The following PKIG variants were observed in gnomAD, a reference collection of about 807,000 sequenced individuals.
PKIG encodes the protein cAMP-dependent protein kinase inhibitor gamma, also known as protein kinase (cAMP-dependent, catalytic) inhibitor gamma.
A neutral mutation model predicts 6.8 loss-of-function variants in PKIG; 1 was observed. The ratio of observed to expected loss-of-function variants is 0.15; its 90% CI spans 0.05 to 0.69. The LOEUF (loss-of-function observed/expected upper bound fraction) is 0.69. Ranked by LOEUF, PKIG falls within the 30% of genes least tolerant of loss-of-function variation. The pLI is 0.82. For missense variants in PKIG, 77 were observed against 104.0 expected (o/e 0.74, Z 1.13); for synonymous variants, 39 against 43.0 (o/e 0.91, Z 0.36).
At chr20:44,533,041 G>A (rs139310627) in intron 1 of PKIG, among the ~76,000 whole-genome samples, 184 of 152,320 alleles carry the variant, frequency 1.2e-3, no homozygotes, top group Middle Eastern at 6.8e-3. Flanking sequence ...AGGGTTTTAA[G>A]CCGGAGGTGT....
At chr20:44,593,633 A>G (rs1437001021) in intron 2 of PKIG, among the ~76,000 whole-genome samples, 3 of 152,166 alleles carry the variant, frequency 2.0e-5, no homozygotes, top group Non-Finnish European at 4.4e-5. Flanking sequence ...ATGTTGAGCA[A>G]AGGTTACAAA....
chr20:44,580,712 C>A (rs1600869640), upstream of PKIG, among the ~76,000 whole-genome samples: 1 of 152,218 alleles, frequency 6.6e-6, no homozygotes, highest in East Asian at 1.9e-4. Context: ...GAAAAGCCTT[C>A]AGATTGACAA....
At chr20:44,578,648 G>A (rs1032349600), upstream of PKIG, among the ~76,000 whole-genome samples, 1 of 152,172 alleles carries the variant, frequency 6.6e-6, no homozygotes, top group African/African-American at 2.4e-5. Context: ...AGAAGCAGAT[G>A]CTAGTGCCAT....
chr20:44,567,297 C>T (rs1352192858), intron 1 of PKIG, among the ~76,000 whole-genome samples: 1 of 152,198 alleles, frequency 6.6e-6, no homozygotes, highest in Non-Finnish European at 1.5e-5. Flanking sequence ...AGATATCCTG[C>T]AAGGTCAGCC....
At chr20:44,581,321 A>G (rs1009579433), upstream of PKIG, among the ~76,000 whole-genome samples, 2 of 152,236 alleles carry the variant, frequency 1.3e-5, no homozygotes, top group Admixed American at 1.3e-4. Context: ...CTTAGTATGT[A>G]CCAAATACTT....
intron 1 of PKIG, among the ~76,000 whole-genome samples, chr20:44,550,213 A>T (rs1316928930): frequency 1.3e-5 from 2 of 151,034 alleles, no homozygotes; most frequent in African/African-American, 2.4e-5. Context: ...ATAAAAGGGG[A>T]CTTCAAAAAA....
upstream of PKIG, chr20:44,582,503 C>T (rs1166033405): frequency 2.0e-5 from 3 of 152,342 alleles, no homozygotes. Flanking sequence ...TCAGGCTGAG[C>T]ATTGGATTAC....
chr20:44,575,082 C>T (rs1450392281), intron 1 of PKIG, among the ~76,000 whole-genome samples: 5 of 151,576 alleles, frequency 3.3e-5, no homozygotes, highest in Non-Finnish European at 7.4e-5. Flanking sequence ...GAGACAGTCT[C>T]GCTCTATTGC....
intron 1 of PKIG, among the ~76,000 whole-genome samples, chr20:44,572,032 C>T (rs896020793): frequency 6.6e-6 from 1 of 152,238 alleles, no homozygotes; most frequent in African/African-American, 2.4e-5. Flanking sequence ...GAGACGGAGT[C>T]TCGCTCTGTT....
At chr20:44,610,529 C>CACACA (rs1206246062) in intron 2 of PKIG, among the ~76,000 whole-genome samples, 1 of 150,968 alleles carries the variant, frequency 6.6e-6, no homozygotes, top group South Asian at 2.1e-4. Context: ...CACACACACA[C>CACACA]CTGCAGCACT....
intron 2 of PKIG, among the ~76,000 whole-genome samples, chr20:44,605,177 G>A (rs1267966200): frequency 1.3e-5 from 2 of 151,484 alleles, no homozygotes; most frequent in African/African-American, 4.9e-5. Flanking sequence ...AGGCCGAGAC[G>A]GGCGGATCAC....
At chr20:44,559,313 T>C in intron 1 of PKIG, among the ~76,000 whole-genome samples, 1 of 152,354 alleles carries the variant, frequency 6.6e-6, no homozygotes, top group Non-Finnish European at 1.5e-5. Context: ...AATGAGATCA[T>C]ATTATACAAA....
chr20:44,537,347 C>T (rs980596605), intron 1 of PKIG, among the ~76,000 whole-genome samples: 6 of 152,172 alleles, frequency 3.9e-5, no homozygotes, highest in Non-Finnish European at 8.8e-5. Flanking sequence ...AGGTGATCCA[C>T]TCGCCTTGGC....
chr20:44,563,386 TC>T (rs1316042937), intron 1 of PKIG, among the ~76,000 whole-genome samples: 1 of 151,982 alleles, frequency 6.6e-6, no homozygotes, highest in Non-Finnish European at 1.5e-5. Flanking sequence ...TTTTTTTTTT[TC>T]CAGAGATTCT....
intron 2 of PKIG, among the ~76,000 whole-genome samples, chr20:44,596,762 A>T (rs1227919834): frequency 6.6e-6 from 1 of 151,800 alleles, no homozygotes; most frequent in Non-Finnish European, 1.5e-5. Flanking sequence ...GTGTGAAGAG[A>T]CTCCCTTACT....
chr20:44,608,700 T>C (rs1284140944), intron 2 of PKIG, among the ~76,000 whole-genome samples: 1 of 151,534 alleles, frequency 6.6e-6, no homozygotes, highest in Non-Finnish European at 1.5e-5. Context: ...CTCAGGAGGC[T>C]GAGGCAACAG....
At chr20:44,554,868 C>T (rs1176643872) in intron 1 of PKIG, among the ~76,000 whole-genome samples, 1 of 152,094 alleles carries the variant, frequency 6.6e-6, no homozygotes, top group East Asian at 1.9e-4. Flanking sequence ...CAGGATTTCC[C>T]CCAACTCGAT....
At chr20:44,600,472 C>G (rs1348144851) in intron 2 of PKIG, among the ~76,000 whole-genome samples, 1 of 152,050 alleles carries the variant, frequency 6.6e-6, no homozygotes, top group African/African-American at 2.4e-5. Context: ...GCTCAGAGTC[C>G]TGGTGAGACA....
At chr20:44,566,107 C>T (rs2064808522) in intron 1 of PKIG, among the ~76,000 whole-genome samples, 1 of 152,212 alleles carries the variant, frequency 6.6e-6, no homozygotes, top group Non-Finnish European at 1.5e-5. Flanking sequence ...ATGCCACTAA[C>T]TACCCGCATC....
Sources: allele counts gnomAD v4.1 joint callset (sites outside exome capture counted in the v4.1 genomes callset), GRCh38; gene constraint gnomAD v4.1.1; transcripts MANE v1.5; gene names NCBI Gene and HGNC (gene_info 2026-07-23, HGNC 2026-07-21).